Variants in ATP6V0A4 observed in about 807,000 individuals in gnomAD.
ATP6V0A4 encodes the protein V-type proton ATPase 116 kDa subunit a 4.
A neutral mutation model predicts 107.3 loss-of-function variants in ATP6V0A4; 86 were observed. The ratio of observed to expected loss-of-function variants is 0.80; its 90% CI spans 0.67 to 0.96. The LOEUF (loss-of-function observed/expected upper bound fraction) is 0.96. Ranked by LOEUF, ATP6V0A4 falls within the 40% of genes least tolerant of loss-of-function variation. The pLI is 0.00. For synonymous variants in ATP6V0A4, 353 were observed against 381.4 expected (o/e 0.93, Z 0.87); for missense variants, 908 against 1,045.6 (o/e 0.87, Z 1.81).
intron 21 of ATP6V0A4, among the ~76,000 whole-genome samples, chr7:138,707,350 A>AATATATATTATATTATATATATATTTAT (rs71179728): frequency 0.21 from 19,155 of 89,878 alleles, 2,526 homozygotes; most frequent in Admixed American, 0.27. Context: ...TATATATTAT[A>AATATATATTATATTATATATATATTTAT]ATATATATTA....
chr7:138,769,216 A>C lies in ATP6V0A4; in HGVS notation c.153T>G (p.Phe51Leu). 2 of 1,612,848 alleles carry C rather than the reference A, an allele frequency of 1.2e-6. No individual in the cohort carries two copies. The highest frequency in any genetic ancestry group is 1.7e-6 in the Non-Finnish European group (2 of 1,179,970). ...NMNVNSFQRK[F>L]VNEVRRCESL... ...ATTCACACCTTCTGACTTCATTCAC[A>C]AATTTCCTTTGAAAGCTGTTCACAT... Residue 51 changes from phenylalanine to leucine, a missense_variant, in exon 4 of 22, where the codon TTT becomes TTG. Phe to Leu is a conservative substitution (Grantham distance 22). Transcript: ENST00000310018.
At chr7:138,727,156 G>A (rs1343391797) in intron 18 of ATP6V0A4, among the ~76,000 whole-genome samples, 5 of 150,624 alleles carry the variant, frequency 3.3e-5, no homozygotes, top group African/African-American at 1.2e-4. Flanking sequence ...CAGGCAGGGG[G>A]GCATGCCTGT....
At chr7:138,758,566 G>C (rs962083278) in intron 8 of ATP6V0A4, among the ~76,000 whole-genome samples, 1 of 152,088 alleles carries the variant, frequency 6.6e-6, no homozygotes, top group African/African-American at 2.4e-5. Context: ...TGGAAGGTGA[G>C]ACAGCAACAT....
intron 9 of ATP6V0A4, chr7:138,756,112 T>C (rs2117299578): frequency 3.9e-6 from 2 of 516,454 alleles, no homozygotes; most frequent in East Asian, 7.5e-5. Context: ...CACTGAGTCA[T>C]TTCTGCTTCT....
At chr7:138,714,956 A>T (rs1803955568) in intron 20 of ATP6V0A4, among the ~76,000 whole-genome samples, 2 of 152,172 alleles carry the variant, frequency 1.3e-5, no homozygotes, top group South Asian at 4.1e-4. Context: ...TCATCACTAG[A>T]GTCTTTGTAA....
At chr7:138,788,596 T>C (rs762993978) in intron 1 of ATP6V0A4, among the ~76,000 whole-genome samples, 1 of 152,186 alleles carries the variant, frequency 6.6e-6, no homozygotes, top group Non-Finnish European at 1.5e-5. Context: ...CTCTATAATA[T>C]CCTACTTTCC....
intron 16 of ATP6V0A4, 111 bp downstream of exon 16, chr7:138,734,025 A>C: frequency 7.8e-7 from 1 of 1,285,922 alleles, no homozygotes; most frequent in African/African-American, 1.5e-5. Context: ...AGTACCCCTC[A>C]TAGGAAGAAA....
rs71169047 is a variant in ATP6V0A4, at chr7:138,718,043, A to AAT, written c.2140-2163_2140-2162insAT. Among the ~76,000 whole-genome samples the AAT allele has an allele frequency of 2.4e-5, 2 of 84,292 alleles. 1 individual carries two copies. Among genetic ancestry groups the AAT allele is most frequent in the African/African-American group, 8.6e-5 (2 of 23,338 alleles). The allele number at this position is 84,292 out of a possible 152,430, so 55.3% of individuals were successfully genotyped here. A position where few individuals can be genotyped will look rare whatever the true frequency, so the allele number is the denominator to read the frequency against. On this transcript the variant is annotated intron_variant, in intron 19 of 21. Transcript: ENST00000310018. ...CTGCGGAGGGAGACGTCCAGGAAGGAGTGGGGGGGTACAGTCACGGGTGTC... is the reference window on the plus strand; with the variant it reads ...CTGCGGAGGGAGACGTCCAGGAAGGAATGTGGGGGGGTACAGTCACGGGTGTC...
chr7:138,730,678 T>C (rs1804958494), intron 17 of ATP6V0A4, among the ~76,000 whole-genome samples: 1 of 152,188 alleles, frequency 6.6e-6, no homozygotes, highest in South Asian at 2.1e-4. Context: ...CGAACTATTT[T>C]GGTGAATCTG....
intron 20 of ATP6V0A4, among the ~76,000 whole-genome samples, chr7:138,710,192 A>ATTTTT (rs56391137): frequency 0.093 from 12,514 of 135,080 alleles, 738 homozygotes; most frequent in Middle Eastern, 0.16. Flanking sequence ...CTGTCTGTTA[A>ATTTTT]TTTTTTTTTT....
intron 14 of ATP6V0A4, 145 bp downstream of exon 14, chr7:138,744,978 C>T (rs1013730094): frequency 8.8e-6 from 7 of 795,862 alleles, no homozygotes; most frequent in South Asian, 5.7e-5. Context: ...ACTGGGATTA[C>T]AGGCATGAGC....
At chr7:138,774,525 G>A (rs1272142006) in intron 2 of ATP6V0A4, among the ~76,000 whole-genome samples, 1 of 150,752 alleles carries the variant, frequency 6.6e-6, no homozygotes, top group Non-Finnish European at 1.5e-5. Context: ...AGGTTGCAGT[G>A]AGCCTAGATC....
At chr7:138,797,211 T>TTC (rs1554404335) in intron 1 of ATP6V0A4, among the ~76,000 whole-genome samples, 1 of 138,260 alleles carries the variant, frequency 7.2e-6, no homozygotes, top group African/African-American at 3.0e-5. Context: ...CCATTTTCTT[T>TTC]TTTTTTTTTT....
Position 138,771,242 on chromosome 7 carries a change from C to T in ATP6V0A4, c.6G>A (p.Val2=), listed in dbSNP as rs749138864. ...ACATCTCCTCGCTTCGAAACACAGACACCATCTTGGCCCAGCCTCGGTCTA... is the reference window on the plus strand; with the variant it reads ...ACATCTCCTCGCTTCGAAACACAGATACCATCTTGGCCCAGCCTCGGTCTA... M[V]SVFRSEEMCL... The change falls in exon 3 of 22, where the codon GTG becomes GTA. Residue 2 remains valine, a synonymous_variant. Coordinates refer to ENST00000310018, the MANE Select transcript of ATP6V0A4 (RefSeq NM_020632.3). The T allele has an allele frequency of 4.3e-6, 7 of 1,613,242 alleles. No individual in the cohort carries two copies. In the African/African-American group the frequency reaches 6.7e-5, roughly 15 times the overall value.
At chr7:138,766,713 G>A (rs1377398554) in intron 5 of ATP6V0A4, among the ~76,000 whole-genome samples, 1 of 152,100 alleles carries the variant, frequency 6.6e-6, no homozygotes, top group African/African-American at 2.4e-5. Flanking sequence ...ACTTGAAAAT[G>A]TGTGTGCCTT....
At chr7:138,769,038 C>T in intron 4 of ATP6V0A4, 135 bp downstream of exon 4, 1 of 1,566,202 alleles carries the variant, frequency 6.4e-7, no homozygotes, top group Non-Finnish European at 8.7e-7. Flanking sequence ...CCCATTCCCT[C>T]CAGGTGGGCC....
Position 138,747,656 on chromosome 7 carries a change from C to G in ATP6V0A4, c.1181-92G>C. 1.9e-6 allele frequency: 3 copies of G among 1,557,790 alleles called. 1 individual carries two copies. The South Asian group carries it at 3.6e-5, about 18-fold the overall frequency. On this transcript the variant is annotated intron_variant, in intron 12 of 21. Transcript: ENST00000310018. ...CTGCCACAGCTCCACGATTTGCATG[C>G]GGGTTTCCTTAAGCCTTTCTGGTTG...
intron 13 of ATP6V0A4, among the ~76,000 whole-genome samples, chr7:138,746,316 T>G (rs112312551): frequency 1.3e-5 from 2 of 151,904 alleles, no homozygotes; most frequent in African/African-American, 2.4e-5. Flanking sequence ...CTCATAATAC[T>G]GAATAATGTG....
chr7:138,725,443 G>A (rs1804657552), intron 18 of ATP6V0A4, among the ~76,000 whole-genome samples: 1 of 152,098 alleles, frequency 6.6e-6, no homozygotes, highest in South Asian at 2.1e-4. Flanking sequence ...CAGGCAAAAC[G>A]AACTGACAGT....
Sources: allele counts gnomAD v4.1 joint callset (sites outside exome capture counted in the v4.1 genomes callset), GRCh38; gene constraint gnomAD v4.1.1; transcripts MANE v1.5; gene names NCBI Gene and HGNC (gene_info 2026-07-23, HGNC 2026-07-21).